Variants in SCHIP1 observed in about 807,000 individuals in gnomAD.
SCHIP1 encodes the protein schwannomin interacting protein 1.
In SCHIP1, 8 loss-of-function variants were observed where a neutral mutation model predicts 29.7. The observed-to-expected ratio is 0.27, with a 90% CI of 0.16 to 0.49. The LOEUF (loss-of-function observed/expected upper bound fraction) is 0.49. Among genes scored for constraint, SCHIP1 ranks in the 20% least tolerant of loss-of-function variants. The probability of loss-of-function intolerance (pLI) is 0.99; values close to 1 mark genes in which losing one functional copy is unlikely to be tolerated. For missense variants in SCHIP1, 193 were observed against 294.6 expected (o/e 0.66, Z 2.52); for synonymous variants, 76 against 94.9 (o/e 0.80, Z 1.16).
the SCHIP1 span, among the ~76,000 whole-genome samples, chr3:159,485,206 G>A: frequency 6.6e-6 from 1 of 152,270 alleles, no homozygotes; most frequent in East Asian, 1.9e-4. Flanking sequence ...TGTCTAAGAG[G>A]CAAGGAGAGG....
At chr3:159,762,235 C>G in the SCHIP1 span, among the ~76,000 whole-genome samples, 1 of 152,176 alleles carries the variant, frequency 6.6e-6, no homozygotes, top group Non-Finnish European at 1.5e-5. Context: ...TCATCAGTAC[C>G]GTTTTACAAA....
At chr3:159,857,086 CT>C (rs1385192135) in intron 1 of SCHIP1, among the ~76,000 whole-genome samples, 1 of 152,160 alleles carries the variant, frequency 6.6e-6, no homozygotes, top group East Asian at 1.9e-4. Context: ...CCAGGTTCTC[CT>C]TTTCTTAAAA....
At chr3:159,566,680 C>T in the SCHIP1 span, among the ~76,000 whole-genome samples, 2 of 152,060 alleles carry the variant, frequency 1.3e-5, no homozygotes, top group Admixed American at 6.6e-5. Context: ...AGTGCAAATG[C>T]CCAGAGGTAG....
chr3:159,280,557 C>A, the SCHIP1 span, among the ~76,000 whole-genome samples: 506 of 152,176 alleles, frequency 3.3e-3, 14 homozygotes, highest in East Asian at 0.078. Flanking sequence ...CAAAGGGACA[C>A]GAAAGCTTAA....
exon 1 of SCHIP1, chr3:159,840,183 A>AG: frequency 6.5e-7 from 1 of 1,535,710 alleles, no homozygotes; most frequent in Non-Finnish European, 8.7e-7. Flanking sequence ...GGATGCACTG[A>AG]GATGGTACAT....
the SCHIP1 span, chr3:159,274,739 C>A: frequency 1.2e-6 from 1 of 824,466 alleles, no homozygotes; most frequent in Non-Finnish European, 1.5e-6. Context: ...AACATATTGT[C>A]ATTAAAAAGT....
the SCHIP1 span, among the ~76,000 whole-genome samples, chr3:159,392,745 C>T: frequency 6.6e-6 from 1 of 151,968 alleles, no homozygotes; most frequent in African/African-American, 2.4e-5. Flanking sequence ...CAAGTCTTTG[C>T]TATTGTGAAT....
the SCHIP1 span, among the ~76,000 whole-genome samples, chr3:159,322,760 T>C: frequency 1.6e-4 from 24 of 152,176 alleles, no homozygotes; most frequent in Non-Finnish European, 1.3e-4. Flanking sequence ...TAGTCCTTCC[T>C]TGCTCTACTA....
chr3:159,889,924 A>G (rs367591165), intron 5 of SCHIP1, among the ~76,000 whole-genome samples: 3 of 152,016 alleles, frequency 2.0e-5, no homozygotes, highest in African/African-American at 7.3e-5. Context: ...GTGAAACCCC[A>G]TCTCTATTAA....
chr3:159,893,003 A>G (rs1717694369), intron 6 of SCHIP1: 1 of 152,218 alleles, frequency 6.6e-6, no homozygotes, highest in Non-Finnish European at 1.5e-5. Flanking sequence ...AAGAAGGAAC[A>G]CCTCTTGGCA....
At chr3:159,789,799 C>A in the SCHIP1 span, among the ~76,000 whole-genome samples, 6 of 152,194 alleles carry the variant, frequency 3.9e-5, no homozygotes, top group South Asian at 2.1e-4. Flanking sequence ...ACCCAGTAAA[C>A]CATGATTCCA....
the SCHIP1 span, among the ~76,000 whole-genome samples, chr3:159,403,820 C>T: frequency 6.6e-6 from 1 of 152,002 alleles, no homozygotes; most frequent in Non-Finnish European, 1.5e-5. Flanking sequence ...AAGGTGGCAC[C>T]ACCCCTCTCT....
At chr3:159,760,038 C>A in the SCHIP1 span, among the ~76,000 whole-genome samples, 5 of 145,934 alleles carry the variant, frequency 3.4e-5, no homozygotes, top group Admixed American at 1.4e-4. Flanking sequence ...AAAATAAATA[C>A]CCCAGTCTCA....
chr3:159,721,913 G>T, the SCHIP1 span: 1 of 431,376 alleles, frequency 2.3e-6, no homozygotes, highest in South Asian at 1.8e-5. Flanking sequence ...TCTTTGCTGA[G>T]GAAACACAAA....
the SCHIP1 span, among the ~76,000 whole-genome samples, chr3:159,338,315 G>T: frequency 6.6e-6 from 1 of 152,200 alleles, no homozygotes; most frequent in African/African-American, 2.4e-5. Flanking sequence ...TGAGTAAAAG[G>T]TGATGTCAAA....
At chr3:159,607,240 T>C in the SCHIP1 span, among the ~76,000 whole-genome samples, 3 of 152,218 alleles carry the variant, frequency 2.0e-5, no homozygotes, top group Non-Finnish European at 2.9e-5. Flanking sequence ...GTTTGGGATT[T>C]ACTACCATTA....
At chr3:159,488,114 C>T in the SCHIP1 span, among the ~76,000 whole-genome samples, 5 of 48,920 alleles carry the variant, frequency 1.0e-4, no homozygotes, top group South Asian at 6.8e-3. Flanking sequence ...TTTACATGTT[C>T]TCACTCACAT....
the SCHIP1 span, among the ~76,000 whole-genome samples, chr3:159,809,766 C>T: frequency 6.6e-6 from 1 of 151,790 alleles, no homozygotes; most frequent in Non-Finnish European, 1.5e-5. Context: ...TTTGGGAAGC[C>T]GAGGCAGGTG....
chr3:159,277,286 A>T, the SCHIP1 span, among the ~76,000 whole-genome samples: 1 of 152,216 alleles, frequency 6.6e-6, no homozygotes, highest in Non-Finnish European at 1.5e-5. Context: ...ATCTATTTTT[A>T]AAAGCAGTCA....
Sources: allele counts gnomAD v4.1 joint callset (sites outside exome capture counted in the v4.1 genomes callset), GRCh38; gene constraint gnomAD v4.1.1; transcripts MANE v1.5; gene names NCBI Gene and HGNC (gene_info 2026-07-23, HGNC 2026-07-21).